Variants in TCF7 observed in about 807,000 individuals in gnomAD.
TCF7 encodes the protein transcription factor 7, also known as T-cell-factor-7.
In TCF7, 19 loss-of-function variants were observed where a neutral mutation model predicts 46.8. The ratio of observed to expected loss-of-function variants is 0.41; its 90% CI spans 0.28 to 0.60. The LOEUF is 0.60. TCF7 is among the 20% of genes least tolerant of loss of function. The probability of loss-of-function intolerance (pLI) is 0.35; values close to 1 mark genes in which losing one functional copy is unlikely to be tolerated. For synonymous variants in TCF7, 245 were observed against 213.4 expected (o/e 1.15, Z -1.29); for missense variants, 547 against 504.6 (o/e 1.08, Z -0.81).
Position 134,142,854 on chromosome 5 carries a change from G to A in TCF7, c.889G>A (p.Ala297Thr), listed in dbSNP as rs775857486. 1.9e-6 allele frequency: 3 copies of A among 1,614,110 alleles called. No homozygotes were observed. Among genetic ancestry groups the A allele is most frequent in the Non-Finnish European group, 1.7e-6 (2 of 1,179,942 alleles). The change falls in exon 7 of 10, where the codon GCT becomes ACT. Residue 297 changes from alanine (A) to threonine (T), a missense_variant. Physicochemically the swap from Ala to Thr is moderately conservative, Grantham distance 58. Transcript: ENST00000342854. ...VIAECTLKES[A>T]AINQILGRRW... ...TGCAGAGTGCACACTTAAGGAGAGCGCTGCCATCAACCAGATCCTGGGCCG... is the reference window on the plus strand; with the variant it reads ...TGCAGAGTGCACACTTAAGGAGAGCACTGCCATCAACCAGATCCTGGGCCG...
intron 4 of TCF7, chr5:134,138,592 C>G: frequency 3.5e-6 from 1 of 283,642 alleles, no homozygotes; most frequent in East Asian, 6.9e-5. Context: ...CAGGTGGAGC[C>G]TTGGCTCCCC....
At chr5:134,137,983 T>A in intron 3 of TCF7, 76 bp from the exon 4 acceptor site, 1 of 1,228,518 alleles carries the variant, frequency 8.1e-7, no homozygotes, top group Non-Finnish European at 1.1e-6. Context: ...CAGCTGGGCT[T>A]CCTGTATACC....
chr5:134,112,940 G>C (rs1755356980), upstream of TCF7, among the ~76,000 whole-genome samples: 1 of 152,174 alleles, frequency 6.6e-6, no homozygotes, highest in African/African-American at 2.4e-5. Flanking sequence ...CTGAACCAGG[G>C]TTCCCTACAA....
At chr5:134,145,840 A>C (rs759047689) in intron 9 of TCF7, 1 of 1,611,350 alleles carries the variant, frequency 6.2e-7, no homozygotes, top group Non-Finnish European at 8.5e-7. Flanking sequence ...TGGCTGGGCA[A>C]GGAAGCCATA....
Position 134,146,439 on chromosome 5 carries a change from C to T in TCF7, c.*136C>T, listed in dbSNP as rs753756482. 9.6e-7 allele frequency: 1 copy of T among 1,041,322 alleles called. No homozygotes were observed. Among genetic ancestry groups the T allele is most frequent in the Non-Finnish European group, 1.5e-6 (1 of 666,372 alleles). 64.5% of individuals were successfully genotyped at this position (1,041,322 alleles called of 1,614,324 possible). A position where few individuals can be genotyped will look rare whatever the true frequency, so the allele number is the denominator to read the frequency against. On this transcript the variant is annotated 3_prime_UTR_variant, in exon 10 of 10. Coordinates refer to ENST00000342854, the MANE Select transcript of TCF7 (RefSeq NM_003202.5). The stretch of plus-strand genomic sequence containing the variant: ...CTCTCCACTGCTCTCAGCCTCCCAA[C>T]CCCAGGGCCCCCACAGGCCCCCCGC...
At position 134,116,002 on chromosome 5, in the gene TCF7, C is replaced by T; in HGVS notation, c.410C>T (p.Ala137Val). 1 of 1,613,494 alleles carries T rather than the reference C, an allele frequency of 6.2e-7. No individual in the cohort carries two copies. Among genetic ancestry groups the T allele is most frequent in the Non-Finnish European group, 8.5e-7 (1 of 1,179,946 alleles). Residue 137 changes from alanine to valine, a missense_variant, in exon 3 of 10, where the codon GCA (alanine) becomes GTA (valine). Coordinates refer to ENST00000342854, the MANE Select transcript of TCF7 (RefSeq NM_003202.5). ...ATGCATTACCCACCCCCCTCGGGAG[C>T]AGGGCAGCACCCCCAGCCGCAGCCC... is the stretch of plus-strand genomic sequence containing the variant. ...LLMHYPPPSG[A>V]GQHPQPQPPL...
intron 9 of TCF7, chr5:134,145,936 C>T: frequency 2.0e-6 from 3 of 1,495,652 alleles, no homozygotes; most frequent in East Asian, 2.5e-5. Context: ...GGAGATGACT[C>T]CCTTGGAAGA....
chr5:134,109,071 G>A, the TCF7 span, among the ~76,000 whole-genome samples: 2 of 152,100 alleles, frequency 1.3e-5, no homozygotes, highest in African/African-American at 2.4e-5. Flanking sequence ...GTTGCCTGAC[G>A]GCAGGTACGG....
chr5:134,115,478 G>T (rs1185431875), intron 2 of TCF7, 91 bp downstream of exon 2: 1 of 1,515,556 alleles, frequency 6.6e-7, no homozygotes, highest in Non-Finnish European at 8.9e-7. Context: ...GGAGCCGGGT[G>T]CCTCCCCCAC....
intron 9 of TCF7, chr5:134,145,744 C>G (rs28585372): frequency 6.2e-7 from 1 of 1,613,742 alleles, no homozygotes; most frequent in Non-Finnish European, 8.5e-7. Context: ...CCATCAGAGA[C>G]AAACTGGCCC....
At chr5:134,126,221 C>T (rs1195864097) in intron 3 of TCF7, among the ~76,000 whole-genome samples, 1 of 152,182 alleles carries the variant, frequency 6.6e-6, no homozygotes, top group Non-Finnish European at 1.5e-5. Flanking sequence ...AGCCAAGGTC[C>T]AGGCGGGCTG....
intron 9 of TCF7, chr5:134,144,296 AAAG>A: frequency 6.0e-6 from 1 of 166,058 alleles, no homozygotes; most frequent in Non-Finnish European, 1.3e-5. Flanking sequence ...TTTCCAAGGC[AAAG>A]AATAGGCCCT....
chr5:134,132,922 C>T (rs1758351240), intron 3 of TCF7, among the ~76,000 whole-genome samples: 1 of 152,212 alleles, frequency 6.6e-6, no homozygotes, highest in South Asian at 2.1e-4. Context: ...ATGAGGAATT[C>T]CTAGCCATGG....
chr5:134,120,636 G>A (rs1438261914), intron 3 of TCF7, among the ~76,000 whole-genome samples: 2 of 152,190 alleles, frequency 1.3e-5, no homozygotes, highest in African/African-American at 4.8e-5. Context: ...CCACCTTCTC[G>A]TTCCTCACTC....
In TCF7 at chr5:134,138,781, G is replaced by A. The variant is rs199669401; in HGVS notation, c.548-170G>A. ...GCCCTGGGTTCCCTTGTCTGTCAAA[G>A]GGGCACTATTATCACACTGGGATCC... On this transcript the variant is annotated intron_variant, in intron 4 of 9. Transcript: ENST00000342854. The A allele has an allele frequency of 1.3e-3, 1,415 of 1,085,516 alleles. 2 individuals carry two copies. Among genetic ancestry groups the A allele is most frequent in the Non-Finnish European group, 1.3e-3 (1,024 of 779,834 alleles). 67.2% of individuals were successfully genotyped at this position (1,085,516 alleles called of 1,614,324 possible).
In TCF7 at chr5:134,115,389, TGA is replaced by T. The variant is rs1490810573; in HGVS notation, c.316+4_316+5del. On this transcript the variant is annotated splice_donor_region_variant and intron_variant, in intron 2 of 9. Coordinates refer to ENST00000342854, the MANE Select transcript of TCF7 (RefSeq NM_003202.5). The stretch of plus-strand genomic sequence containing the variant: ...AACTTCCAGAGCCCCTGGAGGACGG[TGA>T]GTTTCTGCCCGGCCCGGCTTCCCTT... 6.3e-7 allele frequency: 1 copy of T among 1,598,584 alleles called. No individual in the cohort carries two copies. Among genetic ancestry groups the T allele is most frequent in the African/African-American group, 1.3e-5 (1 of 74,298 alleles).
At chr5:134,130,151 T>A (rs978498854) in intron 3 of TCF7, among the ~76,000 whole-genome samples, 3 of 152,224 alleles carry the variant, frequency 2.0e-5, no homozygotes, top group Admixed American at 6.5e-5. Context: ...CCAGCCTGGC[T>A]GGCGCACTCA....
rs865858031 is a variant in TCF7 at position 134,115,375 on chromosome 5, C to A, written c.304C>A (p.Pro102Thr). The change falls in exon 2 of 10, where the codon CCC (proline) becomes ACC (threonine). Residue 102 changes from proline to threonine, a missense_variant. Pro to Thr is a conservative substitution (Grantham distance 38). This residue lies in a region of TCF7 where 425 missense variants were observed against 349.9 expected (regional missense o/e 1.21). Coordinates refer to ENST00000342854, the MANE Select transcript of TCF7 (RefSeq NM_003202.5). The part of the protein sequence containing the change: ...QRLFPDKLPE[P>T]LEDGLKAPEC... ...ACTCTTCCCGGACAAACTTCCAGAG[C>A]CCCTGGAGGACGGTGAGTTTCTGCC... 1.9e-6 allele frequency: 3 copies of A among 1,602,350 alleles called. No homozygotes were observed. The highest frequency in any genetic ancestry group is 2.6e-6 in the Non-Finnish European group (3 of 1,175,264).
chr5:134,124,557 G>A (rs1000556384), intron 3 of TCF7, among the ~76,000 whole-genome samples: 6 of 152,090 alleles, frequency 3.9e-5, no homozygotes, highest in East Asian at 1.9e-4. Flanking sequence ...CTCTAGAGCC[G>A]GAGCAAGCCT....
Sources: allele counts gnomAD v4.1 joint callset (sites outside exome capture counted in the v4.1 genomes callset), GRCh38; gene constraint gnomAD v4.1.1; regional missense constraint gnomAD v4.1.1; transcripts MANE v1.5; gene names NCBI Gene and HGNC (gene_info 2026-07-23, HGNC 2026-07-21).